The following LRMDA variants were observed in gnomAD, a reference collection of about 807,000 sequenced individuals.
The protein encoded by LRMDA is leucine-rich melanocyte differentiation-associated protein.
LRMDA carries 18 observed loss-of-function variants against 29.8 expected under a neutral mutation model. The observed-to-expected ratio is 0.60, with a 90% CI of 0.42 to 0.90. LRMDA has a LOEUF of 0.90. Ranked by LOEUF, LRMDA falls within the 40% of genes least tolerant of loss-of-function variation. The probability of loss-of-function intolerance (pLI) is 0.00; values close to 1 mark genes in which losing one functional copy is unlikely to be tolerated. For missense variants in LRMDA, 273 were observed against 273.9 expected (o/e 1.00, Z 0.02); for synonymous variants, 125 against 109.4 (o/e 1.14, Z -0.89).
chr10:75,958,927 A>C (rs1564616886), intron 2 of LRMDA, among the ~76,000 whole-genome samples: 1 of 152,182 alleles, frequency 6.6e-6, no homozygotes, highest in Non-Finnish European at 1.5e-5. Context: ...GTTTCCCCAT[A>C]TACAACCATC....
At chr10:76,108,793 C>T (rs962686036) in intron 5 of LRMDA, among the ~76,000 whole-genome samples, 2 of 152,140 alleles carry the variant, frequency 1.3e-5, no homozygotes, top group Admixed American at 1.3e-4. Context: ...CTTTCCTGAC[C>T]AGCCTCTTGC....
intron 2 of LRMDA, among the ~76,000 whole-genome samples, chr10:75,446,367 G>C (rs1844397052): frequency 6.6e-6 from 1 of 152,226 alleles, no homozygotes; most frequent in East Asian, 1.9e-4. Context: ...CTTAGAAGAT[G>C]GTGCTAGTGA....
At chr10:76,553,302 C>G (rs189039591) in intron 6 of LRMDA, among the ~76,000 whole-genome samples, 7 of 152,372 alleles carry the variant, frequency 4.6e-5, no homozygotes, top group African/African-American at 1.7e-4. Context: ...GTGTTGTTCC[C>G]CCTCCAGTCC....
At chr10:76,550,449 G>A (rs1254219241) in intron 6 of LRMDA, among the ~76,000 whole-genome samples, 1 of 152,142 alleles carries the variant, frequency 6.6e-6, no homozygotes. Context: ...GCGGTATTTA[G>A]CAAGGACAGT....
intron 2 of LRMDA, among the ~76,000 whole-genome samples, chr10:75,826,137 T>C (rs1465824491): frequency 6.6e-6 from 1 of 152,186 alleles, no homozygotes; most frequent in Middle Eastern, 3.2e-3. Flanking sequence ...GGGTGACTCT[T>C]GCTTAATCCT....
chr10:76,454,850 A>G (rs1443284373), intron 6 of LRMDA, among the ~76,000 whole-genome samples: 1 of 152,148 alleles, frequency 6.6e-6, no homozygotes, highest in East Asian at 1.9e-4. Flanking sequence ...GAGAAGGACA[A>G]TTTGGGTGGA....
At chr10:75,542,420 A>G (rs1217537605) in intron 2 of LRMDA, among the ~76,000 whole-genome samples, 1 of 152,168 alleles carries the variant, frequency 6.6e-6, no homozygotes, top group Non-Finnish European at 1.5e-5. Context: ...TCTAGTTTCC[A>G]GCCATCCTGT....
intron 6 of LRMDA, among the ~76,000 whole-genome samples, chr10:76,376,894 TTTTTTTTTTGA>T: frequency 8.1e-6 from 1 of 123,132 alleles, no homozygotes; most frequent in Admixed American, 8.3e-5. Flanking sequence ...TTTTTTTTTT[TTTTTTTTTTGA>T]GACGTAGTCT....
rs577049411 is a variant in LRMDA at position 75,816,602 on chromosome 10, A to G, written c.132-219406A>G. Among the ~76,000 whole-genome samples the G allele has an allele frequency of 2.0e-5, 3 of 152,306 alleles. No homozygotes were observed. In the South Asian group the frequency reaches 6.2e-4, roughly 32 times the overall value. ...AGGTTTGATTTTGCTCCTTTGTTCT[A>G]ATATGGTTTGGTCAAGGTGGTTTGG... On this transcript the variant is annotated intron_variant, in intron 2 of 6. Coordinates refer to ENST00000611255, the MANE Select transcript of LRMDA (RefSeq NM_001305581.2).
intron 2 of LRMDA, among the ~76,000 whole-genome samples, chr10:75,548,013 A>T (rs1840099058): frequency 6.6e-6 from 1 of 152,104 alleles, no homozygotes. Context: ...ATTTGATTGT[A>T]AGGCTTTTCA....
intron 6 of LRMDA, among the ~76,000 whole-genome samples, chr10:76,331,749 C>T (rs1265570393): frequency 6.6e-6 from 1 of 152,088 alleles, no homozygotes; most frequent in African/African-American, 2.4e-5. Context: ...AAAATGATTT[C>T]CTCTGATGAC....
chr10:75,520,512 T>G (rs1845344523), intron 2 of LRMDA, among the ~76,000 whole-genome samples: 1 of 152,234 alleles, frequency 6.6e-6, no homozygotes, highest in African/African-American at 2.4e-5. Context: ...TCTTGTGCCA[T>G]GGTTTTCAGC....
chr10:76,201,107 TTATA>T (rs752821046), intron 5 of LRMDA, among the ~76,000 whole-genome samples: 1,575 of 65,892 alleles, frequency 0.024, 49 homozygotes, highest in African/African-American at 0.16. Context: ...ATTTATTTAT[TTATA>T]TTTAGACGGA....
intron 6 of LRMDA, among the ~76,000 whole-genome samples, chr10:76,344,792 G>C (rs948365842): frequency 2.0e-5 from 3 of 151,622 alleles, no homozygotes; most frequent in Non-Finnish European, 4.4e-5. Context: ...GAAAAGATGG[G>C]CCATTCAGTA....
At chr10:75,521,593 G>T (rs978528498) in intron 2 of LRMDA, among the ~76,000 whole-genome samples, 1 of 152,140 alleles carries the variant, frequency 6.6e-6, no homozygotes, top group South Asian at 2.1e-4. Flanking sequence ...GGAGTGTCCC[G>T]TTTTTCCCAG....
At chr10:76,174,435 T>C (rs975913901) in intron 5 of LRMDA, among the ~76,000 whole-genome samples, 6 of 152,206 alleles carry the variant, frequency 3.9e-5, no homozygotes, top group African/African-American at 1.4e-4. Flanking sequence ...TAATAATGTA[T>C]CATGACCAAG....
chr10:75,977,539 G>T (rs1174778147), intron 2 of LRMDA, among the ~76,000 whole-genome samples: 1 of 152,104 alleles, frequency 6.6e-6, no homozygotes, highest in Non-Finnish European at 1.5e-5. Flanking sequence ...TTTTCCACAC[G>T]CAAAATAAAT....
In LRMDA at chr10:75,784,589, CTTGGA is replaced by C. The variant is rs1843440039; in HGVS notation, c.132-251418_132-251414del. On this transcript the variant is annotated intron_variant, in intron 2 of 6. Coordinates refer to ENST00000611255, the MANE Select transcript of LRMDA (RefSeq NM_001305581.2). Reference sequence around the variant, plus strand: ...TGGTGGGTGCCTGTAGTCCCAGCTACTTGGAAGGCTGAGGCAGGAGAATGGCGTGA... The same window carrying C: ...TGGTGGGTGCCTGTAGTCCCAGCTACAGGCTGAGGCAGGAGAATGGCGTGA... 3.3e-5 allele frequency among the ~76,000 whole-genome samples: 5 copies of C among 151,622 alleles called. No homozygotes were observed. The South Asian group carries it at 1.0e-3, about 32-fold the overall frequency.
intron 6 of LRMDA, among the ~76,000 whole-genome samples, chr10:76,356,318 A>G (rs925468387): frequency 2.0e-5 from 3 of 152,214 alleles, no homozygotes; most frequent in African/African-American, 7.2e-5. Flanking sequence ...ATGGAGGCAC[A>G]GAGGTGTCAA....
Sources: gnomAD v4.1 joint callset for allele counts (sites outside exome capture counted in the v4.1 genomes callset) on GRCh38, gnomAD v4.1.1 for gene constraint, MANE v1.5 for transcripts, NCBI Gene and HGNC (gene_info 2026-07-23, HGNC 2026-07-21) for gene names.